Variants in ATAD2B observed in about 807,000 individuals in gnomAD.
The protein encoded by ATAD2B is ATPase family AAA domain containing 2B.
A neutral mutation model predicts 167.6 loss-of-function variants in ATAD2B; 40 were observed. That is an observed-to-expected ratio of 0.24 (90% CI 0.19 to 0.31). The LOEUF (loss-of-function observed/expected upper bound fraction) is 0.31. Among genes scored for constraint, ATAD2B ranks in the 10% least tolerant of loss-of-function variants. The pLI is 1.00. For missense variants in ATAD2B, 1,242 were observed against 1,757.2 expected (o/e 0.71, Z 5.24); for synonymous variants, 579 against 596.5 (o/e 0.97, Z 0.43).
At chr2:23,737,042 C>G in the ATAD2B span, among the ~76,000 whole-genome samples, 1 of 152,210 alleles carries the variant, frequency 6.6e-6, no homozygotes, top group Non-Finnish European at 1.5e-5. Context: ...GTAAACAAAG[C>G]AGCCTGGAAG....
chr2:23,812,065 T>C (rs1685682851), intron 17 of ATAD2B, among the ~76,000 whole-genome samples: 1 of 152,060 alleles, frequency 6.6e-6, no homozygotes, highest in South Asian at 2.1e-4. Context: ...TGGGTAGTAC[T>C]AGACATTCTA....
intron 16 of ATAD2B, among the ~76,000 whole-genome samples, chr2:23,820,758 A>G (rs944562975): frequency 6.6e-6 from 1 of 152,180 alleles, no homozygotes; most frequent in African/African-American, 2.4e-5. Context: ...CATCCTGGCT[A>G]ACATGGTGAA....
At chr2:23,875,270 G>T (rs1185043656) in intron 8 of ATAD2B, among the ~76,000 whole-genome samples, 1 of 152,048 alleles carries the variant, frequency 6.6e-6, no homozygotes, top group Non-Finnish European at 1.5e-5. Flanking sequence ...GAGAGGCCAA[G>T]GCAGGGGGTT....
At chr2:23,681,173 C>T in the ATAD2B span, among the ~76,000 whole-genome samples, 8 of 152,214 alleles carry the variant, frequency 5.3e-5, no homozygotes, top group Non-Finnish European at 1.0e-4. The surrounding 1 kb of genome is among the most constrained non-coding windows in gnomAD (Gnocchi z 4.2). Flanking sequence ...GGCAGCAGCC[C>T]GCACACACCA....
the ATAD2B span, chr2:23,706,596 C>T: frequency 6.5e-7 from 1 of 1,537,042 alleles, no homozygotes. Context: ...GACCCTCCTC[C>T]CCCACATGCC....
At chr2:23,741,112 A>C in the ATAD2B span, among the ~76,000 whole-genome samples, 6 of 152,040 alleles carry the variant, frequency 3.9e-5, no homozygotes, top group Admixed American at 1.3e-4. Context: ...AATATCGTGA[A>C]AATGGCCATA....
At chr2:23,796,194 A>G (rs1227418498) in intron 19 of ATAD2B, among the ~76,000 whole-genome samples, 1 of 152,250 alleles carries the variant, frequency 6.6e-6, no homozygotes, top group Non-Finnish European at 1.5e-5. Flanking sequence ...CAGCCCACAA[A>G]TACGATATCC....
chr2:23,913,356 C>T (rs1022664456), intron 1 of ATAD2B, among the ~76,000 whole-genome samples: 1 of 152,124 alleles, frequency 6.6e-6, no homozygotes, highest in African/African-American at 2.4e-5. Context: ...CTAGTGGGGG[C>T]CAGGCGCAGT....
At chr2:23,905,173 T>C (rs1415208457) in intron 1 of ATAD2B, among the ~76,000 whole-genome samples, 2 of 152,132 alleles carry the variant, frequency 1.3e-5, no homozygotes, top group Non-Finnish European at 2.9e-5. Flanking sequence ...TTTCTAAAAA[T>C]CTGAAAATAT....
At chr2:23,853,266 T>G (rs4665641) in intron 13 of ATAD2B, among the ~76,000 whole-genome samples, 1 of 151,882 alleles carries the variant, frequency 6.6e-6, no homozygotes, top group Non-Finnish European at 1.5e-5. Context: ...AAGACATAGA[T>G]TGGAAAGGAA....
At chr2:23,768,423 T>C (rs1677781411) in intron 22 of ATAD2B, among the ~76,000 whole-genome samples, 1 of 151,958 alleles carries the variant, frequency 6.6e-6, no homozygotes, top group African/African-American at 2.4e-5. Flanking sequence ...GTACAAAAAT[T>C]AGGCAAGCAT....
At chr2:23,783,087 A>C (rs1237362812) in intron 21 of ATAD2B, 59 bp from the exon 22 acceptor site, 1 of 878,636 alleles carries the variant, frequency 1.1e-6, no homozygotes, top group Non-Finnish European at 1.6e-6. Flanking sequence ...TCAGTTCATA[A>C]AAACACAAAA....
At chr2:23,687,585 G>C in the ATAD2B span, among the ~76,000 whole-genome samples, 1 of 152,354 alleles carries the variant, frequency 6.6e-6, no homozygotes, top group Middle Eastern at 3.4e-3. Flanking sequence ...ACACGCTGCA[G>C]ACAGGCAAGG....
intron 2 of ATAD2B, among the ~76,000 whole-genome samples, chr2:23,893,666 AC>A (rs1384096303): frequency 2.8e-5 from 4 of 142,822 alleles, no homozygotes; most frequent in African/African-American, 1.1e-4. Flanking sequence ...AAAAAAAAAA[AC>A]TTTTTTTTTT....
intron 25 of ATAD2B, among the ~76,000 whole-genome samples, chr2:23,755,478 G>A (rs1675841405): frequency 6.6e-6 from 1 of 152,092 alleles, no homozygotes; most frequent in African/African-American, 2.4e-5. Context: ...ATTCTGAGGG[G>A]TACAAAGGGT....
rs1333831322 is a variant in ATAD2B at position 23,848,573 on chromosome 2, C to T, written c.1568+8842G>A. On this transcript the variant is annotated intron_variant, in intron 13 of 27. Coordinates refer to ENST00000238789, the MANE Select transcript of ATAD2B (RefSeq NM_017552.4). ...GGTTCCCATATTATATGTGAAATGG[C>T]CTATCATCAATTGAAGGTAGATGGT... Among the ~76,000 whole-genome samples, 5 of 152,238 alleles carry T rather than the reference C, an allele frequency of 3.3e-5. No individual in the cohort carries two copies. In the East Asian group the frequency reaches 7.7e-4, roughly 24 times the overall value.
chr2:23,781,801 C>G (rs1447446505), intron 22 of ATAD2B, among the ~76,000 whole-genome samples: 1 of 86,954 alleles, frequency 1.2e-5, no homozygotes, highest in Non-Finnish European at 2.5e-5. Context: ...TTTTTTCTTT[C>G]TTTCTTTTCT....
intron 13 of ATAD2B, among the ~76,000 whole-genome samples, chr2:23,852,985 A>G (rs1692811882): frequency 6.6e-6 from 1 of 151,166 alleles, no homozygotes; most frequent in Admixed American, 7.0e-5. Context: ...ACAGGAGAAA[A>G]GCCATATGAT....
At chr2:23,907,994 T>C (rs1247217627) in intron 1 of ATAD2B, among the ~76,000 whole-genome samples, 1 of 151,992 alleles carries the variant, frequency 6.6e-6, no homozygotes, top group Non-Finnish European at 1.5e-5. Context: ...CAATTCAAGA[T>C]GGATTAAAGA....
Sources: allele counts gnomAD v4.1 joint callset (sites outside exome capture counted in the v4.1 genomes callset), GRCh38; gene constraint gnomAD v4.1.1; non-coding constraint Gnocchi (gnomAD v3.1); transcripts MANE v1.5; gene names NCBI Gene and HGNC (gene_info 2026-07-23, HGNC 2026-07-21).